TENM4: variants seen among roughly 807,000 people sequenced by gnomAD.
TENM4 encodes the protein teneurin transmembrane protein 4.
A neutral mutation model predicts 243.3 loss-of-function variants in TENM4; 82 were observed. The observed-to-expected ratio is 0.34, with a 90% confidence interval of 0.28 to 0.40. TENM4 has a LOEUF of 0.40. TENM4 is among the 10% of genes least tolerant of loss of function. The probability of loss-of-function intolerance (pLI) is 1.00; values close to 1 mark genes in which losing one functional copy is unlikely to be tolerated. For missense variants in TENM4, 3,138 were observed against 3,673.3 expected, an observed-to-expected ratio of 0.85 and a Z score of 3.77; for synonymous variants, 1,412 against 1,456.3, an observed-to-expected ratio of 0.97 and a Z score of 0.69.
At chr11:79,266,109 CT>C (rs1855880086) in intron 2 of TENM4, among the ~76,000 whole-genome samples, 2 of 152,214 alleles carry the variant, frequency 1.3e-5, no homozygotes, top group Non-Finnish European at 2.9e-5. Context: ...GACTGTGATC[CT>C]TTGACCAGCT....
rs1436628230 is a variant in TENM4 at position 78,670,401 on chromosome 11, G to A, written c.5944C>T (p.Pro1982Ser). The A allele has an allele frequency of 6.2e-7, 1 of 1,613,834 alleles. No homozygotes were observed. The highest frequency in any genetic ancestry group is 8.5e-7 in the Non-Finnish European group (1 of 1,179,880). ...VGYYRNIYQP[P>S]EGNASVIQDF... is the part of the protein sequence containing the mutation. ...TGTATGACTGAGGCATTGCCCTCAG[G>A]GGGCTGATAGATGTTTCTGTAGTAG... The change falls in exon 32 of 34, where the codon CCT (proline) becomes TCT (serine). Residue 1982 changes from proline to serine, a missense_variant. Transcript: ENST00000278550.
chr11:79,325,877 G>A (rs1856967334), intron 1 of TENM4, among the ~76,000 whole-genome samples: 1 of 152,206 alleles, frequency 6.6e-6, no homozygotes, highest in African/African-American at 2.4e-5. Flanking sequence ...CCTTAAGAGA[G>A]CATGAAACAC....
intron 17 of TENM4, among the ~76,000 whole-genome samples, chr11:78,771,716 G>GGCTTTGAGGGC (rs1201853660): frequency 6.6e-6 from 1 of 152,164 alleles, no homozygotes; most frequent in Non-Finnish European, 1.5e-5. Flanking sequence ...TTGCTTTGAG[G>GGCTTTGAGGGC]AAGAGGGCTT....
chr11:78,939,175 G>A (rs531636238), intron 6 of TENM4, among the ~76,000 whole-genome samples: 1 of 152,288 alleles, frequency 6.6e-6, no homozygotes, highest in South Asian at 2.1e-4. Flanking sequence ...CTGGAACGGA[G>A]ATGAATTTTC....
chr11:78,664,220 G>A (rs377017486), intron 32 of TENM4, among the ~76,000 whole-genome samples: 3 of 152,182 alleles, frequency 2.0e-5, no homozygotes, highest in Non-Finnish European at 2.9e-5. Context: ...CAGTTATCGC[G>A]TGGCAGGAGC....
intron 19 of TENM4, among the ~76,000 whole-genome samples, 167 bp downstream of exon 19, chr11:78,756,638 T>C (rs750839621): frequency 1.3e-5 from 2 of 152,194 alleles, no homozygotes; most frequent in Non-Finnish European, 2.9e-5. Flanking sequence ...GTTTTATAAA[T>C]GTAGGTACCT....
chr11:79,237,660 GA>G (rs1864503495), intron 2 of TENM4, among the ~76,000 whole-genome samples: 1 of 152,216 alleles, frequency 6.6e-6, no homozygotes, highest in African/African-American at 2.4e-5. Flanking sequence ...CTGGGCAACA[GA>G]GCGAGACTCC....
intron 14 of TENM4, among the ~76,000 whole-genome samples, chr11:78,811,845 A>G (rs1857508011): frequency 6.6e-6 from 1 of 152,208 alleles, no homozygotes. Context: ...CCTCCCTAAT[A>G]AGGTTTGAAT....
At chr11:78,805,527 T>G in intron 14 of TENM4, 35 bp from the exon 15 acceptor site, 1 of 1,549,980 alleles carries the variant, frequency 6.5e-7, no homozygotes. Flanking sequence ...TAGGTAAGCA[T>G]CTGACCAGCA....
At chr11:79,311,731 C>T (rs1314480006) in intron 1 of TENM4, among the ~76,000 whole-genome samples, 1 of 152,140 alleles carries the variant, frequency 6.6e-6, no homozygotes, top group Non-Finnish European at 1.5e-5. Context: ...GCTCACCCTT[C>T]TCTAGACAGG....
chr11:78,854,079 C>A (rs1858612394), intron 12 of TENM4, 25 bp downstream of exon 12: 1 of 1,543,820 alleles, frequency 6.5e-7, no homozygotes, highest in East Asian at 2.4e-5. Context: ...TATCCCACAG[C>A]CCCCAGAGGG....
chr11:79,328,067 C>G (rs967188615), intron 1 of TENM4, among the ~76,000 whole-genome samples: 1 of 152,186 alleles, frequency 6.6e-6, no homozygotes. Context: ...CTTTTGTTTT[C>G]TGGAAGTCAA....
At chr11:79,085,082 GT>G (rs558953766) in intron 4 of TENM4, among the ~76,000 whole-genome samples, 2 of 151,786 alleles carry the variant, frequency 1.3e-5, no homozygotes, top group African/African-American at 2.4e-5. Flanking sequence ...AGAGAAAAGG[GT>G]TTTTTTTGGC....
chr11:79,190,109 T>C (rs755374806), intron 3 of TENM4, among the ~76,000 whole-genome samples: 1 of 152,156 alleles, frequency 6.6e-6, no homozygotes, highest in African/African-American at 2.4e-5. Flanking sequence ...AAAAAAGAAA[T>C]CCTCTAACTT....
At chr11:79,402,460 A>G (rs1156741127) in intron 1 of TENM4, among the ~76,000 whole-genome samples, 1 of 152,156 alleles carries the variant, frequency 6.6e-6, no homozygotes, top group Non-Finnish European at 1.5e-5. Flanking sequence ...TGCTGGAAAA[A>G]ATACACTTGC....
chr11:79,272,743 G>C (rs751620704), intron 2 of TENM4, among the ~76,000 whole-genome samples: 1 of 152,028 alleles, frequency 6.6e-6, no homozygotes, highest in Non-Finnish European at 1.5e-5. Flanking sequence ...TCAAATCAGA[G>C]GTCACTTCCT....
At chr11:78,687,451 A>G (rs1590938847) in intron 29 of TENM4, among the ~76,000 whole-genome samples, 1 of 152,130 alleles carries the variant, frequency 6.6e-6, no homozygotes, top group African/African-American at 2.4e-5. Context: ...TTTCAAGTTT[A>G]CTAAATCCCA....
intron 1 of TENM4, among the ~76,000 whole-genome samples, chr11:79,363,527 G>A (rs1857626222): frequency 6.6e-6 from 1 of 152,222 alleles, no homozygotes; most frequent in Non-Finnish European, 1.5e-5. Context: ...CGCTGTCTCT[G>A]AAACTCATGT....
chr11:79,003,562 C>G (rs879910328), intron 6 of TENM4, among the ~76,000 whole-genome samples: 2 of 151,996 alleles, frequency 1.3e-5, no homozygotes, highest in African/African-American at 2.4e-5. Context: ...GCTTCATAAG[C>G]AAAGAAGAAA....
Sources: gnomAD v4.1 joint callset for allele counts (sites outside exome capture counted in the v4.1 genomes callset) on GRCh38, gnomAD v4.1.1 for gene constraint, MANE v1.5 for transcripts, NCBI Gene and HGNC (gene_info 2026-07-23, HGNC 2026-07-21) for gene names.